Variants in MCOLN1 observed in about 807,000 individuals in gnomAD.
MCOLN1 encodes the protein mucolipin-1.
In MCOLN1, 50 loss-of-function variants were observed where a neutral mutation model predicts 70.3. The observed-to-expected ratio is 0.71, with a 90% CI of 0.57 to 0.90. The LOEUF (loss-of-function observed/expected upper bound fraction) is 0.90, where lower values mean the gene tolerates loss of function less well. Among genes scored for constraint, MCOLN1 ranks in the 40% least tolerant of loss-of-function variants. MCOLN1 has a pLI of 0.00. For missense variants in MCOLN1, 598 were observed against 803.5 expected (o/e 0.74, Z 3.09); for synonymous variants, 366 against 341.0 (o/e 1.07, Z -0.81).
chr19:7,527,787 G>A (rs568585155), intron 5 of MCOLN1, 77 bp from the exon 6 acceptor site: 14 of 1,272,188 alleles, frequency 1.1e-5, no homozygotes, highest in South Asian at 3.6e-5. Context: ...GAGTCAGCAC[G>A]TGGCAGGGGA....
At position 7,528,706 on chromosome 19, in the gene MCOLN1, G is replaced by A; in HGVS notation, c.984+3G>A. 1 of 1,614,198 alleles carries A rather than the reference G, an allele frequency of 6.2e-7. No individual in the cohort carries two copies. Among genetic ancestry groups the A allele is most frequent in the Non-Finnish European group, 8.5e-7 (1 of 1,180,018 alleles). On this transcript the variant is annotated splice_donor_region_variant and intron_variant, in intron 8 of 13. Transcript: ENST00000264079. This position sits in a 1 kb window ranked among gnomAD's most constrained non-coding sequence, Gnocchi z 4.2. Reference sequence around the variant, plus strand: ...TTCGAGGCTTCCTGCTGCAGAACGTGAGGCTTCTGCGTCATGTGTGCTGGT... The same window carrying A: ...TTCGAGGCTTCCTGCTGCAGAACGTAAGGCTTCTGCGTCATGTGTGCTGGT...
Position 7,522,642 on chromosome 19 carries a change from G to T in MCOLN1, c.-109G>T, listed in dbSNP as rs1448208297. 1.7e-6 allele frequency: 2 copies of T among 1,193,902 alleles called. No homozygotes were observed. The highest frequency in any genetic ancestry group is 3.2e-5 in the African/African-American group (2 of 62,642). 74.0% of individuals were successfully genotyped at this position (1,193,902 alleles called of 1,614,324 possible). On this transcript the variant is annotated 5_prime_UTR_variant, in exon 1 of 14. It introduces an in-frame stop codon into an upstream open reading frame of the 5' UTR. Transcript: ENST00000264079. ...CCGAGGCACAGATCAGCTGATGCCGGAGGGTTTGAAGCCGCGCCGCGAGGG... is the reference window on the plus strand; with the variant it reads ...CCGAGGCACAGATCAGCTGATGCCGTAGGGTTTGAAGCCGCGCCGCGAGGG...
rs1447844415 is a variant in MCOLN1, at chr19:7,526,728, G to A, written c.406-33G>A. 7 of 1,611,686 alleles carry A rather than the reference G, an allele frequency of 4.3e-6. No individual in the cohort carries two copies. Among genetic ancestry groups the A allele is most frequent in the South Asian group, 3.3e-5 (3 of 90,984 alleles). On this transcript the variant is annotated intron_variant, in intron 3 of 13. Coordinates refer to ENST00000264079, the MANE Select transcript of MCOLN1 (RefSeq NM_020533.3). The surrounding 1 kb of genome is among the most constrained non-coding windows in gnomAD (Gnocchi z 4.6). ...GTGGGTGGGCTGCAGAGAGCGGGCC[G>A]GACTCACAGGCCCTCCCCTTCTCTG...
intron 1 of MCOLN1, 113 bp downstream of exon 1, chr19:7,522,894 T>C: frequency 2.0e-6 from 2 of 1,017,320 alleles, no homozygotes; most frequent in Non-Finnish European, 2.6e-6. Flanking sequence ...GCGCTGACTT[T>C]TCACGGTGGA....
rs1164286316 is a variant in MCOLN1 at position 7,525,334 on chromosome 19, A to G, written c.237+168A>G. 9 of 669,762 alleles carry G rather than the reference A, an allele frequency of 1.3e-5. No homozygotes were observed. The highest frequency in any genetic ancestry group is 2.4e-5 in the Non-Finnish European group (9 of 375,842). The allele number at this position is 669,762 out of a possible 1,614,324, so 41.5% of individuals were successfully genotyped here. A position where few individuals can be genotyped will look rare whatever the true frequency, so the allele number is the denominator to read the frequency against. On this transcript the variant is annotated intron_variant, in intron 2 of 13. Coordinates refer to ENST00000264079, the MANE Select transcript of MCOLN1 (RefSeq NM_020533.3). This position sits in a 1 kb window ranked among gnomAD's most constrained non-coding sequence, Gnocchi z 4.2. ...TGGTGAAACCCCATCTCTACTAAAAATACAAAAAAATTAGCCGTGCGTGGT... is the reference window on the plus strand; with the variant it reads ...TGGTGAAACCCCATCTCTACTAAAAGTACAAAAAAATTAGCCGTGCGTGGT...
chr19:7,530,514 C>A lies in MCOLN1; in HGVS notation c.1575+13C>A. ...CGACACCATCAAGGTCAGCCGCATG[C>A]ACCCAGCCCTGAGCTCGGGCTCTGG... On this transcript the variant is annotated intron_variant, in intron 12 of 13. Transcript: ENST00000264079. 1 of 1,605,912 alleles carries A rather than the reference C, an allele frequency of 6.2e-7. No individual in the cohort carries two copies. Among genetic ancestry groups the A allele is most frequent in the Non-Finnish European group, 8.5e-7 (1 of 1,179,034 alleles).
Position 7,530,154 on chromosome 19 carries a change from C to T in MCOLN1, c.1360-132C>T. 3 of 803,226 alleles carry T rather than the reference C, an allele frequency of 3.7e-6. No homozygotes were observed. In the Admixed American group the frequency reaches 5.3e-5, roughly 14 times the overall value. 49.8% of individuals were successfully genotyped at this position (803,226 alleles called of 1,614,324 possible). A position where few individuals can be genotyped will look rare whatever the true frequency, so the allele number is the denominator to read the frequency against. On this transcript the variant is annotated intron_variant, in intron 11 of 13. Coordinates refer to ENST00000264079, the MANE Select transcript of MCOLN1 (RefSeq NM_020533.3). ...CCGACCATTCACATGGTGACCGCAG[C>T]CCGGGACCCGGCCATTCATGTGGGG... is the stretch of plus-strand genomic sequence containing the variant.
chr19:7,526,373 T>A lies in MCOLN1; in HGVS notation c.238-66T>A. On this transcript the variant is annotated intron_variant, in intron 2 of 13. Transcript: ENST00000264079. The surrounding 1 kb of genome is among the most constrained non-coding windows in gnomAD (Gnocchi z 4.6). ...CCTCCCTGTCCTCTTCCAGGGCCTG[T>A]GCCCTGAGGGAGATACACCCCAACC... 1 of 1,583,084 alleles carries A rather than the reference T, an allele frequency of 6.3e-7. No individual in the cohort carries two copies.
Position 7,528,334 on chromosome 19 carries a change from G to A in MCOLN1, c.877+77G>A, listed in dbSNP as rs528137181. The A allele has an allele frequency of 2.5e-5, 35 of 1,397,152 alleles. No homozygotes were observed. The highest frequency in any genetic ancestry group is 7.0e-5 in the East Asian group (3 of 42,940). 86.5% of individuals were successfully genotyped at this position (1,397,152 alleles called of 1,614,324 possible). On this transcript the variant is annotated intron_variant, in intron 7 of 13. Transcript: ENST00000264079. The surrounding 1 kb of genome is among the most constrained non-coding windows in gnomAD (Gnocchi z 4.2). Reference sequence around the variant, plus strand: ...GGGATTCCCCAAGCCCCAGATCAGCGCTGCCTGGGGGCCGTGACCTCCCCA... The same window carrying A: ...GGGATTCCCCAAGCCCCAGATCAGCACTGCCTGGGGGCCGTGACCTCCCCA...
rs1599252085 is a variant in MCOLN1 at position 7,524,831 on chromosome 19, C to T, written c.32-130C>T. On this transcript the variant is annotated intron_variant, in intron 1 of 13. Transcript: ENST00000264079. The surrounding 1 kb of genome is among the most constrained non-coding windows in gnomAD (Gnocchi z 4.1). ...CACAGGTTTTCTGGTTTTCTTTAGACCTCTCAGAGCTCTTCCTTGGCAGGA... is the reference window on the plus strand; with the variant it reads ...CACAGGTTTTCTGGTTTTCTTTAGATCTCTCAGAGCTCTTCCTTGGCAGGA... 2 of 752,390 alleles carry T rather than the reference C, an allele frequency of 2.7e-6. No individual in the cohort carries two copies. The highest frequency in any genetic ancestry group is 4.6e-6 in the Non-Finnish European group (2 of 435,018). The allele number at this position is 752,390 out of a possible 1,614,324, so 46.6% of individuals were successfully genotyped here. A position where few individuals can be genotyped will look rare whatever the true frequency, so the allele number is the denominator to read the frequency against.
intron 11 of MCOLN1, 129 bp downstream of exon 11, chr19:7,529,841 A>T: frequency 1.8e-6 from 2 of 1,110,122 alleles, no homozygotes; most frequent in Non-Finnish European, 2.8e-6. Context: ...GGTGACCCTG[A>T]CACTGACCCT....
chr19:7,530,575 C>T (rs1027165156), intron 12 of MCOLN1, 74 bp downstream of exon 12: 10 of 1,323,564 alleles, frequency 7.6e-6, no homozygotes, highest in Non-Finnish European at 1.1e-5. Flanking sequence ...GTCTTGGGGA[C>T]ACCGCAGGGT....
At position 7,528,373 on chromosome 19, in the gene MCOLN1, C is replaced by T. The variant is rs1568399374; in HGVS notation, c.877+116C>T. The T allele has an allele frequency of 2.8e-6, 3 of 1,090,694 alleles. No homozygotes were observed. Among genetic ancestry groups the T allele is most frequent in the Non-Finnish European group, 4.1e-6 (3 of 727,440 alleles). 67.6% of individuals were successfully genotyped at this position (1,090,694 alleles called of 1,614,324 possible). A position where few individuals can be genotyped will look rare whatever the true frequency, so the allele number is the denominator to read the frequency against. ...GTGACCTCCCCAGGAATCCGCTGAG[C>T]CTCAGATCAGCACAGACCAGGGACC... On this transcript the variant is annotated intron_variant, in intron 7 of 13. Coordinates refer to ENST00000264079, the MANE Select transcript of MCOLN1 (RefSeq NM_020533.3). The surrounding 1 kb of genome is among the most constrained non-coding windows in gnomAD (Gnocchi z 4.2).
At position 7,522,661 on chromosome 19, in the gene MCOLN1, G is replaced by A; in HGVS notation, c.-90G>A. The stretch of plus-strand genomic sequence containing the variant: ...ATGCCGGAGGGTTTGAAGCCGCGCC[G>A]CGAGGGAGCGAGGTCGCAGTGACAG... On this transcript the variant is annotated 5_prime_UTR_variant, in exon 1 of 14. Transcript: ENST00000264079. 3 of 1,340,858 alleles carry A rather than the reference G, an allele frequency of 2.2e-6. No homozygotes were observed. The highest frequency in any genetic ancestry group is 3.0e-5 in the South Asian group (2 of 67,512). The allele number at this position is 1,340,858 out of a possible 1,614,324, so 83.1% of individuals were successfully genotyped here. A position where few individuals can be genotyped will look rare whatever the true frequency, so the allele number is the denominator to read the frequency against.
At position 7,527,970 on chromosome 19, in the gene MCOLN1, C is replaced by G. The variant is rs746372828; in HGVS notation, c.777+10C>G. On this transcript the variant is annotated intron_variant, in intron 6 of 13. Transcript: ENST00000264079. ...TACCTTCAGCGTCCTGGTGAGGCCC[C>G]CCGGGAACCCACAGGGCTCCTGAGT... is the stretch of plus-strand genomic sequence containing the variant. 2 of 1,610,114 alleles carry G rather than the reference C, an allele frequency of 1.2e-6. No individual in the cohort carries two copies. The highest frequency in any genetic ancestry group is 2.2e-5 in the South Asian group (2 of 90,982).
intron 12 of MCOLN1, among the ~76,000 whole-genome samples, chr19:7,530,773 T>G (rs2022644551): frequency 1.3e-5 from 2 of 152,230 alleles, no homozygotes; most frequent in Non-Finnish European, 2.9e-5. Flanking sequence ...AGACGGAGTC[T>G]TGCTCTGTCA....
chr19:7,530,530 C>G (rs759895176), intron 12 of MCOLN1, 29 bp downstream of exon 12: 2 of 1,595,008 alleles, frequency 1.3e-6, no homozygotes, highest in East Asian at 2.2e-5. Context: ...GCCCTGAGCT[C>G]GGGCTCTGGG....
rs199860642 is a variant in MCOLN1, at chr19:7,528,806, G to A, written c.985-15G>A. The A allele has an allele frequency of 8.7e-6, 14 of 1,614,168 alleles. No homozygotes were observed. Among genetic ancestry groups the A allele is most frequent in the East Asian group, 2.2e-5 (1 of 44,888 alleles). ...CTGTGCCTGGTCAGGCCCTCACCCC[G>A]CCTGCCTTCTGCAGGAGTTTGTGGG... On this transcript the variant is annotated splice_polypyrimidine_tract_variant and intron_variant, in intron 8 of 13. Coordinates refer to ENST00000264079, the MANE Select transcript of MCOLN1 (RefSeq NM_020533.3). The surrounding 1 kb of genome is among the most constrained non-coding windows in gnomAD (Gnocchi z 4.2).
rs1253206234 is a variant in MCOLN1 at position 7,527,706 on chromosome 19, C to T, written c.680+78C>T. ...GCACTCTCACCCCAGCAACTACTTCCCTAAGGTGGGGACAGGGCCCCCCCG... is the reference window on the plus strand; with the variant it reads ...GCACTCTCACCCCAGCAACTACTTCTCTAAGGTGGGGACAGGGCCCCCCCG... On this transcript the variant is annotated intron_variant, in intron 5 of 13. Coordinates refer to ENST00000264079, the MANE Select transcript of MCOLN1 (RefSeq NM_020533.3). The T allele has an allele frequency of 4.3e-6, 5 of 1,161,034 alleles. No individual in the cohort carries two copies. The African/African-American group carries it at 6.1e-5, about 14-fold the overall frequency. The allele number at this position is 1,161,034 out of a possible 1,614,324, so 71.9% of individuals were successfully genotyped here.
Sources: allele counts gnomAD v4.1 joint callset (sites outside exome capture counted in the v4.1 genomes callset), GRCh38; gene constraint gnomAD v4.1.1; non-coding constraint Gnocchi (gnomAD v3.1); transcripts MANE v1.5; gene names NCBI Gene and HGNC (gene_info 2026-07-23, HGNC 2026-07-21).